MIB1: variants seen among roughly 807,000 people sequenced by gnomAD.
MIB1 encodes E3 ubiquitin-protein ligase MIB1.
MIB1 carries 278 observed loss-of-function variants against 124.5 expected under a neutral mutation model. That is an observed-to-expected ratio of 2.23 (90% confidence interval 2.02 to 2.47). The LOEUF is 2.47. Among genes scored for constraint, MIB1 ranks in the 30% most tolerant of loss-of-function variants. The pLI, the probability that MIB1 is intolerant of heterozygous loss-of-function variation, is 0.00. For missense variants in MIB1, 957 were observed against 1,254.4 expected, an observed-to-expected ratio of 0.76 and a Z score of 3.58; for synonymous variants, 446 against 429.4, an observed-to-expected ratio of 1.04 and a Z score of -0.48.
chr18:21,743,058 A>G (rs1431709814), intron 1 of MIB1, among the ~76,000 whole-genome samples: 1 of 152,250 alleles, frequency 6.6e-6, no homozygotes, highest in East Asian at 1.9e-4. Flanking sequence ...CTGGGATTAC[A>G]GGAGTCAGCC....
intron 12 of MIB1, among the ~76,000 whole-genome samples, chr18:21,833,257 G>C (rs2042000259): frequency 6.6e-6 from 1 of 152,068 alleles, no homozygotes; most frequent in Non-Finnish European, 1.5e-5. Flanking sequence ...CAATATCTTT[G>C]CCTCAGTATA....
In MIB1 at chr18:21,744,169, A is replaced by G. The variant is rs1341143519; in HGVS notation, c.229+2357A>G. On this transcript the variant is annotated intron_variant, in intron 1 of 20. Transcript: ENST00000261537. Reference sequence around the variant, plus strand: ...CTGGCTCTTGTTTTGCCCCAGGACTATAATACTACTTTCAGTGTTTTCCTT... The same window carrying G: ...CTGGCTCTTGTTTTGCCCCAGGACTGTAATACTACTTTCAGTGTTTTCCTT... Among the ~76,000 whole-genome samples, 4 of 144,988 alleles carry G rather than the reference A, an allele frequency of 2.8e-5. 1 individual carries two copies. The South Asian group carries it at 6.4e-4, about 23-fold the overall frequency.
chr18:21,857,225 G>A lies in MIB1; in HGVS notation c.2761G>A (p.Asp921Asn). The change falls in exon 19 of 21, where the codon GAT (aspartate) becomes AAT (asparagine). Residue 921 changes from aspartate (D) to asparagine (N), a missense_variant. Asp to Asn is a conservative substitution (Grantham distance 23). Transcript: ENST00000261537. ...GTGCTGTGGAGGGAAAAGTTCAGAA[G>A]ATGCCACTGATGATATCTGTAAGTC... is the stretch of plus-strand genomic sequence containing the variant. ...IMCCGGKSSEDATDDISSGNI... is the reference protein window; with the variant it reads ...IMCCGGKSSENATDDISSGNI... 6.2e-7 allele frequency: 1 copy of A among 1,612,756 alleles called. No individual in the cohort carries two copies. Among genetic ancestry groups the A allele is most frequent in the South Asian group, 1.1e-5 (1 of 91,046 alleles).
At chr18:21,754,308 G>T (rs1345516461) in intron 1 of MIB1, among the ~76,000 whole-genome samples, 2 of 152,092 alleles carry the variant, frequency 1.3e-5, no homozygotes, top group Non-Finnish European at 2.9e-5. Context: ...GGTCAACCAT[G>T]GTCTGAAAAT....
At chr18:21,863,519 G>A (rs898697003) in intron 20 of MIB1, among the ~76,000 whole-genome samples, 13 of 152,078 alleles carry the variant, frequency 8.5e-5, no homozygotes, top group Non-Finnish European at 1.0e-4. Context: ...CCTGAAGTCC[G>A]GCCATCTCTT....
At chr18:21,715,741 T>C (rs929970989) in intron 1 of MIB1, among the ~76,000 whole-genome samples, 3 of 151,882 alleles carry the variant, frequency 2.0e-5, no homozygotes, top group African/African-American at 7.3e-5. Flanking sequence ...AGCAATAGAA[T>C]TGAACAAGCA....
chr18:21,780,593 C>T (rs1258063972), intron 6 of MIB1, among the ~76,000 whole-genome samples: 1 of 152,146 alleles, frequency 6.6e-6, no homozygotes, highest in Non-Finnish European at 1.5e-5. Context: ...GAGTAATACT[C>T]CTTTGGGTAT....
In MIB1 at chr18:21,765,879, T is replaced by TA; in HGVS notation, c.338dup (p.Tyr113Ter). The TA allele has an allele frequency of 6.2e-7, 1 of 1,614,144 alleles. No homozygotes were observed. Among genetic ancestry groups the TA allele is most frequent in the Non-Finnish European group, 8.5e-7 (1 of 1,179,978 alleles). The change falls in exon 2 of 21, where the codon TAT becomes TAAT. Residue 113 changes from tyrosine (Y) to a stop codon, truncating the protein, a stop_gained and frameshift_variant. Coordinates refer to ENST00000261537, the MANE Select transcript of MIB1 (RefSeq NM_020774.4). LOFTEE classifies it high-confidence loss of function. ...AAATTATGATTTGTGCACAGTGTGT[T>TA]ATCATGGAGATAAACATCATTTAAG... Reference protein sequence around the residue: ...CTNYDLCTVCYHGDKHHLRHR... With the variant: ...CTNYDLCTVC
intron 10 of MIB1, among the ~76,000 whole-genome samples, chr18:21,811,880 T>C (rs2041777817): frequency 6.6e-6 from 1 of 152,136 alleles, no homozygotes; most frequent in African/African-American, 2.4e-5. Context: ...TGGTAAACTT[T>C]ATGTATATTT....
At chr18:21,779,943 T>C (rs1411693113) in intron 6 of MIB1, among the ~76,000 whole-genome samples, 6 of 151,896 alleles carry the variant, frequency 4.0e-5, no homozygotes, top group African/African-American at 1.2e-4. Flanking sequence ...CAGTGTTCTG[T>C]ACACTATTTT....
At chr18:21,824,169 A>G (rs2146484087) in intron 12 of MIB1, among the ~76,000 whole-genome samples, 1 of 152,282 alleles carries the variant, frequency 6.6e-6, no homozygotes, top group African/African-American at 2.4e-5. Flanking sequence ...TTGAATGTGA[A>G]AAGTAAACGT....
intron 1 of MIB1, among the ~76,000 whole-genome samples, chr18:21,764,342 C>T (rs2041132077): frequency 6.6e-6 from 1 of 152,016 alleles, no homozygotes; most frequent in South Asian, 2.1e-4. Flanking sequence ...CAGGTTTGGC[C>T]CTTTGTTTAG....
intron 1 of MIB1, among the ~76,000 whole-genome samples, chr18:21,762,275 G>A (rs1183067934): frequency 6.6e-6 from 1 of 152,062 alleles, no homozygotes; most frequent in Admixed American, 6.5e-5. Flanking sequence ...TTTTAAAAAG[G>A]CACATTCAAA....
intron 1 of MIB1, among the ~76,000 whole-genome samples, chr18:21,750,654 G>A (rs1472730821): frequency 6.6e-6 from 1 of 151,858 alleles, no homozygotes; most frequent in East Asian, 2.0e-4. Context: ...AGTAGAGATG[G>A]GGTTTCACCA....
chr18:21,863,833 A>C (rs1444474554), intron 20 of MIB1, among the ~76,000 whole-genome samples: 4 of 152,106 alleles, frequency 2.6e-5, no homozygotes, highest in Non-Finnish European at 5.9e-5. Context: ...GTGAAACCCC[A>C]TCTCTACTAA....
At chr18:21,800,049 T>G (rs2041633393) in intron 9 of MIB1, 75 bp downstream of exon 9, 3 of 1,245,440 alleles carry the variant, frequency 2.4e-6, no homozygotes, top group Non-Finnish European at 3.3e-6. Context: ...CAACAATTAC[T>G]AAGATTTTGC....
chr18:21,847,427 G>T (rs1311216500), intron 16 of MIB1, among the ~76,000 whole-genome samples: 1 of 152,126 alleles, frequency 6.6e-6, no homozygotes, highest in African/African-American at 2.4e-5. Context: ...GGATTTATGA[G>T]AAAAAGTCTT....
chr18:21,705,739 G>A (rs2040619690), intron 1 of MIB1, among the ~76,000 whole-genome samples: 1 of 152,182 alleles, frequency 6.6e-6, no homozygotes, highest in Admixed American at 6.5e-5. Context: ...AATTTATTTG[G>A]CTCCGATTTG....
chr18:21,828,368 C>T (rs1454819443), intron 12 of MIB1: 1 of 151,814 alleles, frequency 6.6e-6, no homozygotes, highest in Non-Finnish European at 1.5e-5. Context: ...TAAGTTTTAA[C>T]TTCACATTTA....
Sources: gnomAD v4.1 joint callset for allele counts (sites outside exome capture counted in the v4.1 genomes callset) on GRCh38, gnomAD v4.1.1 for gene constraint, MANE v1.5 for transcripts, NCBI Gene and HGNC (gene_info 2026-07-23, HGNC 2026-07-21) for gene names.